The following CNTNAP2 variants were observed in gnomAD, a reference collection of about 807,000 sequenced individuals.
CNTNAP2 encodes contactin-associated protein-like 2.
Under a neutral mutation model 155.2 loss-of-function variants are expected in CNTNAP2, and 98 were observed. The observed-to-expected ratio is 0.63, with a 90% CI of 0.54 to 0.75. The LOEUF (loss-of-function observed/expected upper bound fraction) is 0.75. Ranked by LOEUF, CNTNAP2 falls within the 30% of genes least tolerant of loss-of-function variation. CNTNAP2 has a pLI of 0.00. For synonymous variants in CNTNAP2, 651 were observed against 631.2 expected (o/e 1.03, Z -0.47); for missense variants, 1,727 against 1,688.1 (o/e 1.02, Z -0.40).
At chr7:147,270,750 C>T (rs1380954747) in intron 8 of CNTNAP2, among the ~76,000 whole-genome samples, 1 of 152,220 alleles carries the variant, frequency 6.6e-6, no homozygotes, top group Non-Finnish European at 1.5e-5. Context: ...GTTTCTGCTT[C>T]TTTCAGCCCT....
chr7:146,721,000 G>GTCTATATATATAC (rs1801284607), intron 1 of CNTNAP2, among the ~76,000 whole-genome samples: 1 of 83,178 alleles, frequency 1.2e-5, no homozygotes. Flanking sequence ...TATATATATA[G>GTCTATATATATAC]TCTATATATA....
chr7:146,966,058 T>C (rs1297037348), intron 3 of CNTNAP2, among the ~76,000 whole-genome samples: 1 of 152,204 alleles, frequency 6.6e-6, no homozygotes, highest in Non-Finnish European at 1.5e-5. Flanking sequence ...CTGCTCCCCA[T>C]AGAGCTCCAC....
At chr7:147,925,669 G>A (rs979774539) in intron 14 of CNTNAP2, among the ~76,000 whole-genome samples, 3 of 152,032 alleles carry the variant, frequency 2.0e-5, no homozygotes, top group South Asian at 4.1e-4. Context: ...CACCATGTTA[G>A]CCAGGATAGT....
chr7:147,023,674 G>A lies in CNTNAP2; in HGVS notation c.403-20233G>A, dbSNP rs553556674. On this transcript the variant is annotated intron_variant, in intron 3 of 23. Transcript: ENST00000361727. ...CACTAAATCTGTTCTGCCAGGATCT[G>A]CCACTCTTCAGCCAAAACTCCTAGT... is the stretch of plus-strand genomic sequence containing the variant. Among the ~76,000 whole-genome samples the A allele has an allele frequency of 1.2e-4, 19 of 152,184 alleles. No homozygotes were observed. The South Asian group carries it at 3.9e-3, about 32-fold the overall frequency.
chr7:146,181,454 A>G (rs1798548165), intron 1 of CNTNAP2, among the ~76,000 whole-genome samples: 1 of 152,222 alleles, frequency 6.6e-6, no homozygotes, highest in Non-Finnish European at 1.5e-5. Context: ...AAGGCTTAGC[A>G]TATAGTAACA....
At chr7:148,080,606 A>T (rs1321719490) in intron 15 of CNTNAP2, among the ~76,000 whole-genome samples, 1 of 137,596 alleles carries the variant, frequency 7.3e-6, no homozygotes, top group African/African-American at 2.6e-5. Context: ...CTCCATCTCA[A>T]AAAAAAAAAA....
chr7:146,191,827 T>A (rs1489837460), intron 1 of CNTNAP2, among the ~76,000 whole-genome samples: 1 of 152,196 alleles, frequency 6.6e-6, no homozygotes, highest in Non-Finnish European at 1.5e-5. Flanking sequence ...GCTGTTACCC[T>A]GTTCTTTTTT....
intron 20 of CNTNAP2, among the ~76,000 whole-genome samples, chr7:148,253,047 TA>T (rs1439501626): frequency 0.021 from 2,669 of 125,188 alleles, 27 homozygotes; most frequent in African/African-American, 0.032. Context: ...GATAGATAGA[TA>T]GACAGATGAT....
chr7:147,056,431 C>T (rs1799562481), intron 4 of CNTNAP2, among the ~76,000 whole-genome samples: 1 of 152,054 alleles, frequency 6.6e-6, no homozygotes, highest in Non-Finnish European at 1.5e-5. Flanking sequence ...TAATTATTTC[C>T]CCCAAATCCT....
chr7:146,289,013 A>G (rs1420627564), intron 1 of CNTNAP2, among the ~76,000 whole-genome samples: 5 of 151,556 alleles, frequency 3.3e-5, no homozygotes, highest in Admixed American at 6.6e-5. Context: ...CATGTTGGCC[A>G]GGCTCGTCTG....
intron 9 of CNTNAP2, among the ~76,000 whole-genome samples, chr7:147,366,415 A>C (rs1350877673): frequency 6.6e-6 from 1 of 151,802 alleles, no homozygotes; most frequent in African/African-American, 2.4e-5. Context: ...ATTTTCATAA[A>C]ATCTAATTTT....
At position 147,985,407 on chromosome 7, in the gene CNTNAP2, C is replaced by CCT. The variant is rs1801601115; in HGVS notation, c.2383+7418_2383+7419insCT. 2.8e-5 allele frequency among the ~76,000 whole-genome samples: 3 copies of CCT among 108,056 alleles called. No homozygotes were observed. The South Asian group carries it at 9.5e-4, about 34-fold the overall frequency. 70.9% of individuals were successfully genotyped at this position (108,056 alleles called of 152,430 possible). On this transcript the variant is annotated intron_variant, in intron 15 of 23. Transcript: ENST00000361727. ...TCTTGGGAGTTGATTTATGTTTTTA[C>CCT]TTTTTTTTTTTTTTTTTTTGCGAAT...
intron 8 of CNTNAP2, among the ~76,000 whole-genome samples, chr7:147,274,018 CATAT>C (rs1804833488): frequency 3.3e-5 from 5 of 150,030 alleles, no homozygotes; most frequent in South Asian, 2.1e-4. Context: ...TATATACACA[CATAT>C]ATATAATATA....
intron 1 of CNTNAP2, among the ~76,000 whole-genome samples, chr7:146,478,535 T>C (rs1399112627): frequency 1.3e-5 from 2 of 151,870 alleles, no homozygotes; most frequent in Admixed American, 1.3e-4. Context: ...ATAGGTTAAT[T>C]TGACTAAATA....
chr7:147,687,055 G>A (rs373138977), intron 13 of CNTNAP2, among the ~76,000 whole-genome samples: 26 of 151,882 alleles, frequency 1.7e-4, no homozygotes, highest in African/African-American at 5.8e-4. Flanking sequence ...AATATTTAAG[G>A]CAATGGATAT....
rs10532740 is a variant in CNTNAP2 at position 148,106,493 on chromosome 7, G to GATATAT, written c.2384-11603_2384-11598dup. Among the ~76,000 whole-genome samples the GATATAT allele has an allele frequency of 6.9e-3, 863 of 124,860 alleles. 20 individuals are homozygous for GATATAT. The highest frequency in any genetic ancestry group is 0.026 in the African/African-American group (765 of 28,952). The allele number at this position is 124,860 out of a possible 152,430, so 81.9% of individuals were successfully genotyped here. A position where few individuals can be genotyped will look rare whatever the true frequency, so the allele number is the denominator to read the frequency against. ...CACTTCAGTGTACTGCACACTTTGA[G>GATATAT]ATATATATATATATATATATATATA... On this transcript the variant is annotated intron_variant, in intron 15 of 23. Transcript: ENST00000361727.
intron 13 of CNTNAP2, among the ~76,000 whole-genome samples, chr7:147,751,917 A>T (rs1243416734): frequency 2.6e-5 from 4 of 152,120 alleles, no homozygotes; most frequent in Admixed American, 1.3e-4. Flanking sequence ...ACAGGAGAAA[A>T]TCAAGACCAG....
chr7:147,319,993 A>G (rs947169013), intron 9 of CNTNAP2, among the ~76,000 whole-genome samples: 1 of 152,218 alleles, frequency 6.6e-6, no homozygotes, highest in Non-Finnish European at 1.5e-5. Flanking sequence ...AGAAACAGCC[A>G]TAGGCAATAC....
chr7:147,491,433 T>C (rs937126975), intron 11 of CNTNAP2, among the ~76,000 whole-genome samples: 3 of 151,872 alleles, frequency 2.0e-5, no homozygotes, highest in Admixed American at 1.3e-4. Context: ...CATGGCCCTG[T>C]AGTTAGATCA....
Sources: gnomAD v4.1 joint callset for allele counts (sites outside exome capture counted in the v4.1 genomes callset) on GRCh38, gnomAD v4.1.1 for gene constraint, MANE v1.5 for transcripts, NCBI Gene and HGNC (gene_info 2026-07-23, HGNC 2026-07-21) for gene names.